The following VTA1 variants were observed in gnomAD, a reference collection of about 807,000 sequenced individuals.
The protein encoded by VTA1 is vacuolar protein sorting-associated protein VTA1 homolog.
A neutral mutation model predicts 36.9 loss-of-function variants in VTA1; 24 were observed. The observed-to-expected ratio is 0.65, with a 90% CI of 0.47 to 0.91. The LOEUF (loss-of-function observed/expected upper bound fraction) is 0.91. Among genes scored for constraint, VTA1 ranks in the 40% least tolerant of loss-of-function variants. The pLI, the probability that VTA1 is intolerant of heterozygous loss-of-function variation, is 0.00. For synonymous variants in VTA1, 142 were observed against 130.2 expected (o/e 1.09, Z -0.62); for missense variants, 393 against 377.2 (o/e 1.04, Z -0.35).
intron 1 of VTA1, among the ~76,000 whole-genome samples, chr6:142,152,830 CT>C (rs879438817): frequency 1.3e-5 from 2 of 151,808 alleles, no homozygotes; most frequent in Non-Finnish European, 2.9e-5. Flanking sequence ...AGCAGGGAAA[CT>C]TTTTTTTGTG....
At chr6:142,188,767 T>C (rs928121267) in intron 4 of VTA1, among the ~76,000 whole-genome samples, 2 of 152,152 alleles carry the variant, frequency 1.3e-5, no homozygotes, top group African/African-American at 4.8e-5. Flanking sequence ...CAAATTTTTA[T>C]CTTACATCCT....
At chr6:142,161,996 A>G (rs901760259) in intron 1 of VTA1, among the ~76,000 whole-genome samples, 54 of 152,222 alleles carry the variant, frequency 3.5e-4, no homozygotes, top group Admixed American at 5.9e-4. Context: ...CAATTCTTCA[A>G]TTAAAGATAT....
In VTA1 at chr6:142,189,412, A is replaced by G; in HGVS notation, c.412-14A>G. The G allele has an allele frequency of 6.3e-7, 1 of 1,593,042 alleles. No homozygotes were observed. Among genetic ancestry groups the G allele is most frequent in the African/African-American group, 1.3e-5 (1 of 74,510 alleles). On this transcript the variant is annotated splice_polypyrimidine_tract_variant and intron_variant, in intron 4 of 7. Coordinates refer to ENST00000367630, the MANE Select transcript of VTA1 (RefSeq NM_016485.5). ...ACCATAGTCCAATGTTGATATAAAA[A>G]TGCTCTCTTTTAGAATGTGAAACAC...
chr6:142,200,257 A>T (rs1775653575), intron 6 of VTA1, among the ~76,000 whole-genome samples: 2 of 152,080 alleles, frequency 1.3e-5, no homozygotes, highest in African/African-American at 4.8e-5. Flanking sequence ...TAGTAGGCCT[A>T]TCACAAAATC....
chr6:142,162,465 G>A (rs1774829213), intron 1 of VTA1, among the ~76,000 whole-genome samples: 1 of 152,126 alleles, frequency 6.6e-6, no homozygotes, highest in South Asian at 2.1e-4. Context: ...ATTGGCCAGT[G>A]TACATTTAGA....
intron 7 of VTA1, among the ~76,000 whole-genome samples, chr6:142,215,381 C>CA (rs1381498459): frequency 6.6e-6 from 1 of 150,640 alleles, no homozygotes; most frequent in African/African-American, 2.5e-5. Context: ...GTGAAGCTTG[C>CA]AGTGAGCCGA....
At chr6:142,182,542 T>C (rs373952436) in intron 4 of VTA1, among the ~76,000 whole-genome samples, 9 of 134,936 alleles carry the variant, frequency 6.7e-5, no homozygotes, top group African/African-American at 2.6e-4. Context: ...GGATTCTGGA[T>C]ATATTTTGAA....
chr6:142,165,696 A>G (rs1331115712), intron 1 of VTA1, among the ~76,000 whole-genome samples: 2 of 152,202 alleles, frequency 1.3e-5, no homozygotes, highest in Admixed American at 1.3e-4. Context: ...AATTGTGGTG[A>G]CAGCTATTTA....
At chr6:142,153,503 T>G (rs1778606249) in intron 1 of VTA1, among the ~76,000 whole-genome samples, 1 of 152,056 alleles carries the variant, frequency 6.6e-6, no homozygotes, top group Non-Finnish European at 1.5e-5. Flanking sequence ...CTTTCTAGTA[T>G]TTATATCATT....
At chr6:142,160,191 G>A (rs1774772705) in intron 1 of VTA1, among the ~76,000 whole-genome samples, 1 of 152,108 alleles carries the variant, frequency 6.6e-6, no homozygotes, top group Admixed American at 6.6e-5. Context: ...GCTTTTCAGG[G>A]TAGGTCTAAA....
intron 1 of VTA1, among the ~76,000 whole-genome samples, chr6:142,161,080 C>T (rs1338535120): frequency 8.1e-6 from 1 of 122,722 alleles, no homozygotes; most frequent in Non-Finnish European, 1.6e-5. Context: ...TCCTTCCTTC[C>T]CCCCCCCCCC....
intron 4 of VTA1, among the ~76,000 whole-genome samples, chr6:142,182,325 G>C (rs1489121867): frequency 6.6e-6 from 1 of 152,138 alleles, no homozygotes. Context: ...AGGAGTGATA[G>C]GATAGGAGAT....
At chr6:142,207,694 C>T (rs896639974) in intron 7 of VTA1, among the ~76,000 whole-genome samples, 1 of 151,484 alleles carries the variant, frequency 6.6e-6, no homozygotes, top group African/African-American at 2.4e-5. Flanking sequence ...ACAGAGAAAA[C>T]TGGAATAAAT....
rs150366650 is a variant in VTA1 at position 142,187,438 on chromosome 6, T to C, written c.412-1988T>C. 8.5e-3 allele frequency among the ~76,000 whole-genome samples: 1,291 copies of C among 152,298 alleles called. 14 individuals carry two copies. Among genetic ancestry groups the C allele is most frequent in the African/African-American group, 0.029 (1,210 of 41,556 alleles). On this transcript the variant is annotated intron_variant, in intron 4 of 7. Transcript: ENST00000367630. ...AGCAAGAGCAATTCCTCAAATGAACTGACAACTTAAGTGAGGAACAGGCTG... is the reference window on the plus strand; with the variant it reads ...AGCAAGAGCAATTCCTCAAATGAACCGACAACTTAAGTGAGGAACAGGCTG...
At position 142,150,567 on chromosome 6, in the gene VTA1, T is replaced by G. The variant is rs1323605726; in HGVS notation, c.112+3168T>G. On this transcript the variant is annotated intron_variant, in intron 1 of 7. Transcript: ENST00000367630. Reference sequence around the variant, plus strand: ...AGAGAAGGTGGAAAATCCTCCAGGGTGTCCAGACAAAAGAGACAATTCAAA... The same window carrying G: ...AGAGAAGGTGGAAAATCCTCCAGGGGGTCCAGACAAAAGAGACAATTCAAA... Among the ~76,000 whole-genome samples the G allele has an allele frequency of 2.0e-5, 3 of 152,164 alleles. No homozygotes were observed. In the East Asian group the frequency reaches 5.8e-4, roughly 29 times the overall value.
chr6:142,195,466 T>G (rs969617220), intron 5 of VTA1, among the ~76,000 whole-genome samples: 1 of 151,936 alleles, frequency 6.6e-6, no homozygotes, highest in Non-Finnish European at 1.5e-5. Context: ...TTCCTCTTTT[T>G]CCTCCCAGTC....
rs114640781 is a variant in VTA1, at chr6:142,198,976, G to C, written c.697+361G>C. 8.0e-4 allele frequency among the ~76,000 whole-genome samples: 121 copies of C among 152,106 alleles called. 1 individual carries two copies. Among genetic ancestry groups the C allele is most frequent in the African/African-American group, 2.8e-3 (118 of 41,500 alleles). ...CGGAGGTGAGTGGAGTTGATATTAG[G>C]ATGTGTCAGTCAGGGTCTCACTGTG... On this transcript the variant is annotated intron_variant, in intron 6 of 7. Transcript: ENST00000367630.
At chr6:142,151,690 A>G (rs982538788) in intron 1 of VTA1, among the ~76,000 whole-genome samples, 2 of 152,224 alleles carry the variant, frequency 1.3e-5, no homozygotes, top group Non-Finnish European at 2.9e-5. Context: ...ATGAGCTAAA[A>G]TCTTCGGCTC....
intron 1 of VTA1, among the ~76,000 whole-genome samples, chr6:142,151,470 A>G (rs1778566966): frequency 6.6e-6 from 1 of 152,216 alleles, no homozygotes; most frequent in African/African-American, 2.4e-5. Flanking sequence ...AGATGAGAGT[A>G]CCTTGTTTCA....
Sources: allele counts gnomAD v4.1 joint callset (sites outside exome capture counted in the v4.1 genomes callset), GRCh38; gene constraint gnomAD v4.1.1; transcripts MANE v1.5; gene names NCBI Gene and HGNC (gene_info 2026-07-23, HGNC 2026-07-21).